RSRC1: variants seen among roughly 807,000 people sequenced by gnomAD.
RSRC1 encodes serine/Arginine-related protein 53.
In RSRC1, 39 loss-of-function variants were observed where a neutral mutation model predicts 49.1. The observed-to-expected ratio is 0.79, with a 90% CI of 0.61 to 1.04. RSRC1 has a LOEUF of 1.04. RSRC1 is among the 50% of genes least tolerant of loss of function. The probability of loss-of-function intolerance (pLI) is 0.00; values close to 1 mark genes in which losing one functional copy is unlikely to be tolerated. For synonymous variants in RSRC1, 143 were observed against 130.8 expected (o/e 1.09, Z -0.63); for missense variants, 388 against 402.4 (o/e 0.96, Z 0.31).
At chr3:158,349,816 A>T (rs1014308650) in intron 5 of RSRC1, among the ~76,000 whole-genome samples, 6 of 147,604 alleles carry the variant, frequency 4.1e-5, no homozygotes, top group African/African-American at 1.0e-4. Context: ...TCCTGCCTCA[A>T]CCTCCTGAGT....
chr3:158,224,713 A>T (rs764353838), intron 4 of RSRC1, among the ~76,000 whole-genome samples: 2 of 151,798 alleles, frequency 1.3e-5, no homozygotes, highest in African/African-American at 2.4e-5. Context: ...CTAATTGTTC[A>T]CAACATTTGA....
intron 7 of RSRC1, among the ~76,000 whole-genome samples, chr3:158,517,755 ATTTTTTTTTTTTTTTTTTTTTT>A (rs766129663): frequency 0.028 from 977 of 35,210 alleles, 28 homozygotes; most frequent in African/African-American, 0.076. Context: ...CACCCAGCTA[ATTTTTTTTTTTTTTTTTTTTTT>A]TTTTTTTTTT....
At chr3:158,229,378 ATGTATG>A (rs148385671) in intron 4 of RSRC1, among the ~76,000 whole-genome samples, 43,744 of 112,818 alleles carry the variant, frequency 0.39, 8,101 homozygotes, top group African/African-American at 0.53. Context: ...GTATATGTGT[ATGTATG>A]TGTATATATA....
chr3:158,113,218 A>G (rs1161780863), intron 1 of RSRC1, among the ~76,000 whole-genome samples: 1 of 152,178 alleles, frequency 6.6e-6, no homozygotes, highest in Non-Finnish European at 1.5e-5. Flanking sequence ...GGGAATCACC[A>G]CACTGCTGAT....
At chr3:158,413,164 T>C (rs1456043831) in intron 6 of RSRC1, among the ~76,000 whole-genome samples, 2 of 152,030 alleles carry the variant, frequency 1.3e-5, no homozygotes, top group African/African-American at 4.8e-5. Context: ...TGGAACAGAA[T>C]AGAGATCTCA....
At chr3:158,518,059 TTTTATATAAATTATGC>T (rs1740671650) in intron 7 of RSRC1, among the ~76,000 whole-genome samples, 1 of 147,268 alleles carries the variant, frequency 6.8e-6, no homozygotes, top group South Asian at 2.1e-4. Flanking sequence ...TTTCATTTAT[TTTTATATAAATTATGC>T]ATATGTACGT....
At chr3:158,397,552 A>G (rs1733678813) in intron 6 of RSRC1, among the ~76,000 whole-genome samples, 1 of 152,182 alleles carries the variant, frequency 6.6e-6, no homozygotes, top group Admixed American at 6.6e-5. Flanking sequence ...CTAGAGAATT[A>G]TTACATATCT....
intron 6 of RSRC1, among the ~76,000 whole-genome samples, chr3:158,421,526 T>C (rs1186498386): frequency 1.3e-5 from 2 of 151,750 alleles, no homozygotes; most frequent in Non-Finnish European, 2.9e-5. Context: ...GCAGTAAAGA[T>C]GGAAATAAGT....
At chr3:158,285,558 T>C (rs1726480428) in intron 4 of RSRC1, among the ~76,000 whole-genome samples, 1 of 152,194 alleles carries the variant, frequency 6.6e-6, no homozygotes, top group African/African-American at 2.4e-5. Context: ...TGTATCCTCT[T>C]TTATTTCATT....
intron 4 of RSRC1, among the ~76,000 whole-genome samples, chr3:158,227,984 G>C (rs895555314): frequency 3.3e-5 from 5 of 152,000 alleles, no homozygotes; most frequent in African/African-American, 1.2e-4. Flanking sequence ...AAAATGAGGT[G>C]CAAACCATTG....
intron 6 of RSRC1, among the ~76,000 whole-genome samples, chr3:158,410,186 C>G (rs1258273325): frequency 1.3e-5 from 2 of 152,126 alleles, no homozygotes; most frequent in East Asian, 3.9e-4. Context: ...TACTGGAATT[C>G]TTAATATAGC....
At chr3:158,390,205 C>T (rs964544291) in intron 6 of RSRC1, among the ~76,000 whole-genome samples, 1 of 152,088 alleles carries the variant, frequency 6.6e-6, no homozygotes, top group Admixed American at 6.6e-5. Context: ...GGTTAAAGGT[C>T]AGGGCCAAAA....
intron 4 of RSRC1, among the ~76,000 whole-genome samples, chr3:158,209,671 C>A (rs1233006687): frequency 6.6e-6 from 1 of 152,102 alleles, no homozygotes; most frequent in Non-Finnish European, 1.5e-5. Context: ...ATGTACCCAA[C>A]AAGACTTTTG....
chr3:158,402,977 A>T (rs1733972029), intron 6 of RSRC1, among the ~76,000 whole-genome samples: 1 of 142,370 alleles, frequency 7.0e-6, no homozygotes, highest in Admixed American at 7.1e-5. Flanking sequence ...TTTCTAGGCT[A>T]TAACAAAATA....
chr3:158,439,977 G>A lies in RSRC1; in HGVS notation c.584-20958G>A, dbSNP rs373790557. Among the ~76,000 whole-genome samples, 10 of 152,090 alleles carry A rather than the reference G, an allele frequency of 6.6e-5. No individual in the cohort carries two copies. In the East Asian group the frequency reaches 1.2e-3, roughly 18 times the overall value. On this transcript the variant is annotated intron_variant, in intron 6 of 9. Coordinates refer to ENST00000611884, the MANE Select transcript of RSRC1 (RefSeq NM_001271838.2). The stretch of plus-strand genomic sequence containing the variant: ...CTTCCAAACCTAGAGCACAAAAAAG[G>A]CAAGGGGAGGGAGAGCACTGGGACA...
chr3:158,228,848 C>CACATACGTGTATATGTGTATATAA (rs747126186), intron 4 of RSRC1, among the ~76,000 whole-genome samples: 1 of 81,606 alleles, frequency 1.2e-5, no homozygotes, highest in Non-Finnish European at 2.8e-5. Flanking sequence ...TGTATATAAA[C>CACATACGTGTATATGTGTATATAA]ACACATACGT....
At chr3:158,245,636 ATTG>A (rs1319376995) in intron 4 of RSRC1, among the ~76,000 whole-genome samples, 5 of 152,136 alleles carry the variant, frequency 3.3e-5, no homozygotes, top group African/African-American at 1.2e-4. Flanking sequence ...GTCTCCCATT[ATTG>A]TTGTGTGGGA....
chr3:158,151,104 C>T (rs1019011712), intron 3 of RSRC1, among the ~76,000 whole-genome samples: 1 of 152,028 alleles, frequency 6.6e-6, no homozygotes, highest in African/African-American at 2.4e-5. Flanking sequence ...AGGTGCATGG[C>T]GGAGGCCCCT....
chr3:158,153,304 T>C (rs11706229), intron 3 of RSRC1, among the ~76,000 whole-genome samples: 86,439 of 151,964 alleles, frequency 0.57, 24,905 homozygotes, highest in East Asian at 0.71. Context: ...TATGGAACTC[T>C]CTTCTTGTAG....
Sources: gnomAD v4.1 joint callset for allele counts (sites outside exome capture counted in the v4.1 genomes callset) on GRCh38, gnomAD v4.1.1 for gene constraint, MANE v1.5 for transcripts, NCBI Gene and HGNC (gene_info 2026-07-23, HGNC 2026-07-21) for gene names.